RB1: variants seen among roughly 807,000 people sequenced by gnomAD.
RB1 encodes RB transcriptional corepressor 1.
RB1 carries 18 observed loss-of-function variants against 135.4 expected under a neutral mutation model. That is an observed-to-expected ratio of 0.13 (90% confidence interval 0.09 to 0.20). RB1 has a LOEUF of 0.20. RB1 is among the 10% of genes least tolerant of loss of function. The pLI is 1.00. For missense variants in RB1, 868 were observed against 1,110.0 expected, an observed-to-expected ratio of 0.78 and a Z score of 3.10; for synonymous variants, 365 against 373.2, an observed-to-expected ratio of 0.98 and a Z score of 0.25.
At chr13:48,396,358 C>A (rs1159324937) in intron 17 of RB1, among the ~76,000 whole-genome samples, 1 of 152,148 alleles carries the variant, frequency 6.6e-6, no homozygotes, top group East Asian at 1.9e-4. Flanking sequence ...CTACAACCAT[C>A]TGATTTTTGA....
At position 48,476,991 on chromosome 13, in the gene RB1, T is replaced by G. The variant is rs1949508359; in HGVS notation, c.2663+148T>G. 6.7e-6 allele frequency: 7 copies of G among 1,037,278 alleles called. No homozygotes were observed. The South Asian group carries it at 9.4e-5, about 14-fold the overall frequency. The allele number at this position is 1,037,278 out of a possible 1,614,324, so 64.3% of individuals were successfully genotyped here. A position where few individuals can be genotyped will look rare whatever the true frequency, so the allele number is the denominator to read the frequency against. ...AATGGCTCAAAATAATAGATATGAGTGTAGTGCAAAGTTAAAAACATCTTA... is the reference window on the plus strand; with the variant it reads ...AATGGCTCAAAATAATAGATATGAGGGTAGTGCAAAGTTAAAAACATCTTA... On this transcript the variant is annotated intron_variant, in intron 25 of 26. Transcript: ENST00000267163.
At chr13:48,442,341 C>T (rs1391857518) in intron 17 of RB1, among the ~76,000 whole-genome samples, 2 of 152,150 alleles carry the variant, frequency 1.3e-5, no homozygotes, top group Non-Finnish European at 2.9e-5. Context: ...GCTGGGACTA[C>T]AGGCGCATGC....
intron 17 of RB1, among the ~76,000 whole-genome samples, chr13:48,394,158 C>T (rs1389652497): frequency 6.6e-6 from 1 of 152,184 alleles, no homozygotes; most frequent in African/African-American, 2.4e-5. Flanking sequence ...GGTTGGGGAA[C>T]TCCCTCCCCT....
At chr13:48,478,753 A>G (rs1337282726) in intron 26 of RB1, among the ~76,000 whole-genome samples, 1 of 152,204 alleles carries the variant, frequency 6.6e-6, no homozygotes, top group Admixed American at 6.5e-5. Context: ...AAAGAATTAC[A>G]TTTAGAAAAG....
At chr13:48,402,844 A>G (rs1371454919) in intron 17 of RB1, among the ~76,000 whole-genome samples, 1 of 152,142 alleles carries the variant, frequency 6.6e-6, no homozygotes, top group Non-Finnish European at 1.5e-5. Context: ...TTTTTGTCCA[A>G]TAATTTTGGC....
At chr13:48,333,330 T>A in intron 2 of RB1, 1 of 329,330 alleles carries the variant, frequency 3.0e-6, no homozygotes. Context: ...ATCTCCTTAC[T>A]CAATGGTTTT....
Position 48,480,241 on chromosome 13 carries a change from T to C in RB1, c.*170T>C, listed in dbSNP as rs763603568. The C allele has an allele frequency of 1.7e-5, 11 of 630,224 alleles. No homozygotes were observed. Among genetic ancestry groups the C allele is most frequent in the Middle Eastern group, 3.8e-4 (1 of 2,626 alleles). The allele number at this position is 630,224 out of a possible 1,614,324, so 39.0% of individuals were successfully genotyped here. ...ATTGTTTGGGTGATTCCTAAGCCAC[T>C]TGAAATGTTAGTCATTGTTATTTAT... On this transcript the variant is annotated 3_prime_UTR_variant, in exon 27 of 27. Coordinates refer to ENST00000267163, the MANE Select transcript of RB1 (RefSeq NM_000321.3).
chr13:48,373,260 C>A, intron 11 of RB1, 145 bp from the exon 12 acceptor site: 1 of 583,876 alleles, frequency 1.7e-6, no homozygotes, highest in South Asian at 2.4e-5. Flanking sequence ...TCTTATAAAC[C>A]ACAGTCTTAT....
chr13:48,316,934 G>T, intron 2 of RB1: 1 of 364,498 alleles, frequency 2.7e-6, no homozygotes, highest in Non-Finnish European at 5.4e-6. Context: ...CACTAACCAA[G>T]GCGTGCCCGC....
intron 19 of RB1, among the ~76,000 whole-genome samples, chr13:48,459,328 C>A (rs934428025): frequency 6.6e-6 from 1 of 152,106 alleles, no homozygotes; most frequent in African/African-American, 2.4e-5. Flanking sequence ...TTTAAAAAAA[C>A]TCATGCCTAC....
At chr13:48,307,235 G>T in intron 1 of RB1, 45 bp from the exon 2 acceptor site, 1 of 1,525,576 alleles carries the variant, frequency 6.6e-7, no homozygotes, top group South Asian at 1.1e-5. Flanking sequence ...GAATCAATTT[G>T]ATTTATAAGT....
At chr13:48,316,971 C>A in intron 2 of RB1, 1 of 408,780 alleles carries the variant, frequency 2.4e-6, no homozygotes, top group East Asian at 6.2e-5. Context: ...CTGGTCGTCC[C>A]TATCGATGAC....
chr13:48,332,697 C>T (rs1952348099), intron 2 of RB1, among the ~76,000 whole-genome samples: 1 of 152,142 alleles, frequency 6.6e-6, no homozygotes, highest in South Asian at 2.1e-4. Context: ...TCTTAAGTAT[C>T]CTTACGACAT....
chr13:48,361,013 G>C (rs1348396540), intron 7 of RB1, among the ~76,000 whole-genome samples: 2 of 152,098 alleles, frequency 1.3e-5, no homozygotes, highest in East Asian at 3.8e-4. Context: ...GAATTTTGAA[G>C]ATGTGTTGAA....
At chr13:48,377,222 A>T (rs888999581) in intron 13 of RB1, among the ~76,000 whole-genome samples, 188 bp downstream of exon 13, 9 of 152,174 alleles carry the variant, frequency 5.9e-5, no homozygotes, top group African/African-American at 2.2e-4. Flanking sequence ...CTCCCACCCC[A>T]TTATAAAAAC....
intron 12 of RB1, among the ~76,000 whole-genome samples, chr13:48,374,538 C>T (rs966987229): frequency 2.6e-5 from 4 of 152,268 alleles, no homozygotes; most frequent in South Asian, 4.1e-4. Flanking sequence ...TCATCATGTT[C>T]GTAATTGTTT....
chr13:48,332,527 T>C (rs1013740605), intron 2 of RB1, among the ~76,000 whole-genome samples: 1 of 152,198 alleles, frequency 6.6e-6, no homozygotes, highest in Non-Finnish European at 1.5e-5. Flanking sequence ...GCTATTATTG[T>C]GCCACAGCAA....
chr13:48,451,543 G>A (rs1170661373), intron 17 of RB1, among the ~76,000 whole-genome samples: 1 of 152,068 alleles, frequency 6.6e-6, no homozygotes, highest in Non-Finnish European at 1.5e-5. Flanking sequence ...GTGGATTTTT[G>A]CATTGCTGTT....
At chr13:48,405,179 G>A (rs1170999860) in intron 17 of RB1, among the ~76,000 whole-genome samples, 28 of 152,134 alleles carry the variant, frequency 1.8e-4, no homozygotes, top group Admixed American at 1.8e-3. Context: ...CCCAGAAAAT[G>A]TTTGTTCCAC....
Sources: gnomAD v4.1 joint callset for allele counts (sites outside exome capture counted in the v4.1 genomes callset) on GRCh38, gnomAD v4.1.1 for gene constraint, MANE v1.5 for transcripts, NCBI Gene and HGNC (gene_info 2026-07-23, HGNC 2026-07-21) for gene names.